Variants in IDUA observed in about 807,000 individuals in gnomAD.
IDUA encodes the protein alpha-L-iduronidase, also known as iduronidase alpha-L-.
In IDUA, 65 loss-of-function variants were observed where a neutral mutation model predicts 68.9. That is an observed-to-expected ratio of 0.94 (90% CI 0.77 to 1.16). IDUA has a LOEUF of 1.16. IDUA is among the 50% of genes most tolerant of loss of function. The pLI is 0.00. For synonymous variants in IDUA, 529 were observed against 433.6 expected, an observed-to-expected ratio of 1.22 and a Z score of -2.73; for missense variants, 1,046 against 938.0, an observed-to-expected ratio of 1.12 and a Z score of -1.50.
intron 2 of IDUA, among the ~76,000 whole-genome samples, chr4:998,708 C>G (rs1210332974): frequency 6.6e-6 from 1 of 152,156 alleles, no homozygotes; most frequent in Non-Finnish European, 1.5e-5. Flanking sequence ...AAAACCGAGA[C>G]CAGTCTCACT....
At position 987,879 on chromosome 4, in the gene IDUA, G is replaced by A; in HGVS notation, c.229G>A (p.Val77Met). 6.2e-7 allele frequency: 1 copy of A among 1,611,892 alleles called. No homozygotes were observed. The highest frequency in any genetic ancestry group is 8.5e-7 in the Non-Finnish European group (1 of 1,179,656). Reference sequence around the variant, plus strand: ...GGACCAGCAGCTCAACCTCGCCTATGTGGGCGCCGTCCCTCACCGCGGCAT... The same window carrying A: ...GGACCAGCAGCTCAACCTCGCCTATATGGGCGCCGTCCCTCACCGCGGCAT... ...SWDQQLNLAY[V>M]GAVPHRGIKQ... The change falls in exon 2 of 14, where the codon GTG (valine) becomes ATG (methionine). Residue 77 changes from valine to methionine, a missense_variant. Physicochemically the swap from Val to Met is conservative, Grantham distance 21. Transcript: ENST00000514224.
intron 2 of IDUA, among the ~76,000 whole-genome samples, chr4:998,917 C>T (rs547888013): frequency 4.8e-4 from 73 of 152,216 alleles, no homozygotes; most frequent in Non-Finnish European, 6.0e-4. Flanking sequence ...TTCCAGCTCC[C>T]ACCCTGACTC....
intron 2 of IDUA, chr4:990,419 A>C: frequency 6.7e-7 from 1 of 1,487,478 alleles, no homozygotes; most frequent in Non-Finnish European, 9.0e-7. Flanking sequence ...CCTGCCCCTC[A>C]CCAGCACCTG....
At position 988,882 on chromosome 4, in the gene IDUA, G is replaced by A. The variant is rs767773010; in HGVS notation, c.299+933G>A. ...CAGCTCCCTGTGGCGGGCTCGTGCT[G>A]TCTGCACGGCATCGTGCACACTGAG... On this transcript the variant is annotated intron_variant, in intron 2 of 13. Transcript: ENST00000514224. 1.1e-5 allele frequency: 18 copies of A among 1,600,980 alleles called. No individual in the cohort carries two copies. The African/African-American group carries it at 1.9e-4, about 17-fold the overall frequency.
At position 991,855 on chromosome 4, in the gene IDUA, G is replaced by A. The variant is rs770907000; in HGVS notation, c.299+3906G>A. On this transcript the variant is annotated intron_variant, in intron 2 of 13. Transcript: ENST00000514224. ...CCACCCAGGGCCGGGGATTGGTGCT[G>A]GGCCTTCTCCTGGCAGCGCGGGCCC... is the stretch of plus-strand genomic sequence containing the variant. 4.8e-5 allele frequency: 73 copies of A among 1,519,156 alleles called. 1 individual carries two copies. In the South Asian group the frequency reaches 8.6e-4, roughly 18 times the overall value. The allele number at this position is 1,519,156 out of a possible 1,614,324, so 94.1% of individuals were successfully genotyped here. A position where few individuals can be genotyped will look rare whatever the true frequency, so the allele number is the denominator to read the frequency against.
At chr4:990,467 G>T in intron 2 of IDUA, 2 of 1,142,916 alleles carry the variant, frequency 1.7e-6, no homozygotes, top group Non-Finnish European at 2.4e-6. Flanking sequence ...CACAGGACCT[G>T]ACAATTCTGT....
At chr4:989,020 A>G in intron 2 of IDUA, 1 of 1,585,284 alleles carries the variant, frequency 6.3e-7, no homozygotes, top group Non-Finnish European at 8.6e-7. Context: ...GCTGATGCCC[A>G]GGGCCCCGTA....
rs533285487 is a variant in IDUA, at chr4:1,004,550, G to C, written c.*157G>C. The C allele has an allele frequency of 4.0e-6, 3 of 744,992 alleles. No homozygotes were observed. The highest frequency in any genetic ancestry group is 6.3e-6 in the Non-Finnish European group (3 of 476,440). 46.1% of individuals were successfully genotyped at this position (744,992 alleles called of 1,614,324 possible). On this transcript the variant is annotated 3_prime_UTR_variant, in exon 14 of 14. Coordinates refer to ENST00000514224, the MANE Select transcript of IDUA (RefSeq NM_000203.5). This position sits in a 1 kb window ranked among gnomAD's most constrained non-coding sequence, Gnocchi z 5.0. The stretch of plus-strand genomic sequence containing the variant: ...TGGTACCAACGCCCCCTTTAAAGCG[G>C]CTTTGCACAGGTCAGTCTCGGGTTG...
chr4:990,111 G>T (rs144684135), intron 2 of IDUA: 1 of 1,586,292 alleles, frequency 6.3e-7, no homozygotes, highest in South Asian at 1.1e-5. Flanking sequence ...GCTCCTTCGC[G>T]GCTAGCAGCA....
intron 2 of IDUA, chr4:989,992 C>G: frequency 6.4e-7 from 1 of 1,564,750 alleles, no homozygotes. Context: ...CACGCTCGAG[C>G]CAAAGCGCTT....
At position 987,212 on chromosome 4, in the gene IDUA, T is replaced by A; in HGVS notation, c.128T>A (p.Leu43Gln). Residue 43 changes from leucine (L) to glutamine (Q), a missense_variant, in exon 1 of 14, where the codon CTG becomes CAG. Coordinates refer to ENST00000514224, the MANE Select transcript of IDUA (RefSeq NM_000203.5). ...HVDAARALWP[L>Q]RRFWRSTGFC... Reference sequence around the variant, plus strand: ...GACGCGGCCCGCGCGCTGTGGCCCCTGCGGCGCTTCTGGAGGAGCACAGGC... The same window carrying A: ...GACGCGGCCCGCGCGCTGTGGCCCCAGCGGCGCTTCTGGAGGAGCACAGGC... The A allele has an allele frequency of 6.7e-7, 1 of 1,493,272 alleles. No individual in the cohort carries two copies. Among genetic ancestry groups the A allele is most frequent in the Non-Finnish European group, 8.9e-7 (1 of 1,128,710 alleles). 92.5% of individuals were successfully genotyped at this position (1,493,272 alleles called of 1,614,324 possible).
At chr4:1,001,934 C>CCCCG (rs1245703449) in intron 6 of IDUA, 48 bp from the exon 7 acceptor site, 7 of 1,569,094 alleles carry the variant, frequency 4.5e-6, no homozygotes, top group Non-Finnish European at 5.2e-6. Context: ...AGCCGCTGTG[C>CCCCG]CCCGGGCCGC....
intron 2 of IDUA, chr4:991,081 G>C: frequency 6.7e-7 from 1 of 1,493,658 alleles, no homozygotes; most frequent in Non-Finnish European, 8.9e-7. Context: ...CAAAACCTAA[G>C]GGGGGGTGCC....
In IDUA at chr4:1,003,999, C is replaced by T. The variant is rs764889867; in HGVS notation, c.1728-13C>T. The stretch of plus-strand genomic sequence containing the variant: ...TCTTGACCCCAGCCTTGTTCTTGGC[C>T]TGACCTCCCCAGGTGCCTGTGGACA... On this transcript the variant is annotated splice_polypyrimidine_tract_variant and intron_variant, in intron 12 of 13. Coordinates refer to ENST00000514224, the MANE Select transcript of IDUA (RefSeq NM_000203.5). 3.1e-5 allele frequency: 50 copies of T among 1,607,124 alleles called. No homozygotes were observed. The highest frequency in any genetic ancestry group is 4.2e-5 in the Non-Finnish European group (49 of 1,175,068).
At position 987,108 on chromosome 4, in the gene IDUA, C is replaced by CCCCGCGCA; in HGVS notation, c.24_25insCCCGCGCA (p.Ala9ProfsTer102). On this transcript the variant is annotated frameshift_variant, in exon 1 of 14. Transcript: ENST00000514224. LOFTEE classifies it high-confidence loss of function. ...CCATGCGTCCCCTGCGCCCCCGCGC[C>CCCCGCGCA]GCGCTGCTGGCGCTCCTGGCCTCGC... 6.9e-7 allele frequency: 1 copy of CCCCGCGCA among 1,447,410 alleles called. No individual in the cohort carries two copies. Among genetic ancestry groups the CCCCGCGCA allele is most frequent in the Non-Finnish European group, 9.1e-7 (1 of 1,104,408 alleles). The allele number at this position is 1,447,410 out of a possible 1,614,324, so 89.7% of individuals were successfully genotyped here.
chr4:991,189 C>T, intron 2 of IDUA: 4 of 1,593,536 alleles, frequency 2.5e-6, no homozygotes, highest in Non-Finnish European at 3.4e-6. Flanking sequence ...GCAGTCACGC[C>T]CGCAGTCCAG....
In IDUA at chr4:987,198, C is replaced by T. The variant is rs1421237422; in HGVS notation, c.114C>T (p.Arg38=). The change falls in exon 1 of 14, where the codon CGC becomes CGT. Residue 38 remains arginine, a synonymous_variant. Coordinates refer to ENST00000514224, the MANE Select transcript of IDUA (RefSeq NM_000203.5). Reference sequence around the variant, plus strand: ...ACCTGGTGCATGTGGACGCGGCCCGCGCGCTGTGGCCCCTGCGGCGCTTCT... The same window carrying T: ...ACCTGGTGCATGTGGACGCGGCCCGTGCGCTGTGGCCCCTGCGGCGCTTCT... The part of the protein sequence containing the change: ...APHLVHVDAA[R]ALWPLRRFWR... 3 of 1,478,272 alleles carry T rather than the reference C, an allele frequency of 2.0e-6. No homozygotes were observed. Among genetic ancestry groups the T allele is most frequent in the East Asian group, 2.9e-5 (1 of 34,064 alleles). The allele number at this position is 1,478,272 out of a possible 1,614,324, so 91.6% of individuals were successfully genotyped here. A position where few individuals can be genotyped will look rare whatever the true frequency, so the allele number is the denominator to read the frequency against.
chr4:993,088 C>T (rs549040136), intron 2 of IDUA, among the ~76,000 whole-genome samples: 1 of 152,276 alleles, frequency 6.6e-6, no homozygotes, highest in Non-Finnish European at 1.5e-5. Context: ...AGTTGTGTCC[C>T]CTTCCCTGGA....
chr4:991,401 G>A (rs1282961922), intron 2 of IDUA: 1 of 1,612,740 alleles, frequency 6.2e-7, no homozygotes, highest in Non-Finnish European at 8.5e-7. Context: ...ACGTATAGAG[G>A]CTGTAGATGG....
Sources: gnomAD v4.1 joint callset for allele counts (sites outside exome capture counted in the v4.1 genomes callset) on GRCh38, gnomAD v4.1.1 for gene constraint, Gnocchi (gnomAD v3.1) non-coding constraint, MANE v1.5 for transcripts, NCBI Gene and HGNC (gene_info 2026-07-23, HGNC 2026-07-21) for gene names.